Variants in POLE observed in about 807,000 individuals in gnomAD.
POLE encodes DNA polymerase epsilon catalytic subunit A.
In POLE, 188 loss-of-function variants were observed where a neutral mutation model predicts 279.2. The observed-to-expected ratio is 0.67, with a 90% CI of 0.60 to 0.76. POLE has a LOEUF of 0.76. POLE is among the 30% of genes least tolerant of loss of function. The pLI is 0.00. For missense variants in POLE, 2,703 were observed against 3,016.7 expected (o/e 0.90, Z 2.44); for synonymous variants, 1,214 against 1,172.5 (o/e 1.04, Z -0.72).
intron 16 of POLE, among the ~76,000 whole-genome samples, chr12:132,671,678 G>GAAAAA (rs59237637): frequency 1.2e-4 from 9 of 72,546 alleles, no homozygotes; most frequent in African/African-American, 4.5e-4. Flanking sequence ...CTCAAAAAGG[G>GAAAAA]AAAAAAAAAA....
chr12:132,666,378 A>G (rs1297491000), intron 20 of POLE, among the ~76,000 whole-genome samples: 9 of 152,362 alleles, frequency 5.9e-5, no homozygotes. Flanking sequence ...ACCTGAGTTC[A>G]GGACTTTGAG....
Position 132,635,990 on chromosome 12 carries a change from T to A in POLE, c.5713A>T (p.Ile1905Phe), listed in dbSNP as rs1300166843. Residue 1905 changes from isoleucine (I) to phenylalanine (F), a missense_variant, in exon 42 of 49, where the codon ATT (isoleucine) becomes TTT (phenylalanine). Transcript: ENST00000320574. The stretch of plus-strand genomic sequence containing the variant: ...AATTCCCAGCATCGAGAGAAAGAAA[T>A]TGTCAGAGAATGGAAGGTCTCCTTT... ...HSKETFHSLT[I>F]SFSRCWEFLL... The A allele has an allele frequency of 6.2e-7, 1 of 1,613,860 alleles. No homozygotes were observed. The highest frequency in any genetic ancestry group is 1.1e-5 in the South Asian group (1 of 91,050).
In POLE at chr12:132,673,756, C is replaced by T. The variant is rs373243003; in HGVS notation, c.1227-49G>A. The T allele has an allele frequency of 7.5e-5, 121 of 1,606,004 alleles. No individual in the cohort carries two copies. Among genetic ancestry groups the T allele is most frequent in the African/African-American group, 9.3e-5 (7 of 74,992 alleles). ...GCCAGGATGATTCTAACATGCAGCC[C>T]GGGAACCCCTGAGAACTGGCAAAAC... On this transcript the variant is annotated intron_variant, in intron 12 of 48. Coordinates refer to ENST00000320574, the MANE Select transcript of POLE (RefSeq NM_006231.4).
intron 12 of POLE, 128 bp from the exon 13 acceptor site, chr12:132,673,835 C>T (rs2042985695): frequency 9.9e-7 from 1 of 1,011,472 alleles, no homozygotes; most frequent in Non-Finnish European, 1.5e-6. Flanking sequence ...GAGCCTCACA[C>T]CAAGGCCCCA....
rs1025389911 is a variant in POLE, at chr12:132,664,693, C to A, written c.2469-231G>T. ...ATCTGGAAGGGTGCAGTATGTGCCACTGCGTCCAGCCGTTCAGGACTCCAG... is the reference window on the plus strand; with the variant it reads ...ATCTGGAAGGGTGCAGTATGTGCCAATGCGTCCAGCCGTTCAGGACTCCAG... On this transcript the variant is annotated intron_variant, in intron 21 of 48. Transcript: ENST00000320574. This position sits in a 1 kb window ranked among gnomAD's most constrained non-coding sequence, Gnocchi z 5.3. 3.9e-5 allele frequency among the ~76,000 whole-genome samples: 6 copies of A among 152,220 alleles called. No homozygotes were observed. Among genetic ancestry groups the A allele is most frequent in the Non-Finnish European group, 7.3e-5 (5 of 68,042 alleles).
chr12:132,675,320 G>C lies in POLE; in HGVS notation c.1226+78C>G. On this transcript the variant is annotated intron_variant, in intron 12 of 48. Transcript: ENST00000320574. The surrounding 1 kb of genome is among the most constrained non-coding windows in gnomAD (Gnocchi z 4.3). ...CCACCCTCCTCCCATGAGATGTGGT[G>C]ACAGCACAGTCTGCAAGAGGCCTTC... 1 of 1,551,930 alleles carries C rather than the reference G, an allele frequency of 6.4e-7. No homozygotes were observed. The highest frequency in any genetic ancestry group is 8.7e-7 in the Non-Finnish European group (1 of 1,145,194).
chr12:132,681,798 T>C (rs2043173071), intron 1 of POLE, among the ~76,000 whole-genome samples: 1 of 152,234 alleles, frequency 6.6e-6, no homozygotes. Flanking sequence ...GGCTAGACAC[T>C]GTTGCCTCTT....
chr12:132,676,922 C>T (rs1250188039), intron 8 of POLE, among the ~76,000 whole-genome samples: 1 of 152,204 alleles, frequency 6.6e-6, no homozygotes, highest in South Asian at 2.1e-4. Flanking sequence ...CAAAAGACAT[C>T]ACCTCATTCT....
intron 4 of POLE, 55 bp downstream of exon 4, chr12:132,680,123 C>T (rs869312623): frequency 6.3e-7 from 1 of 1,595,986 alleles, no homozygotes; most frequent in Non-Finnish European, 8.6e-7. Context: ...AGTTGCAAAG[C>T]CCACCACAGA....
At chr12:132,682,160 G>T (rs979918488) in intron 1 of POLE, among the ~76,000 whole-genome samples, 1 of 152,116 alleles carries the variant, frequency 6.6e-6, no homozygotes, top group Non-Finnish European at 1.5e-5. Context: ...CAGGCGTGGT[G>T]GTGGGTGCCT....
chr12:132,667,818 A>G (rs1425030374), intron 19 of POLE, among the ~76,000 whole-genome samples, 170 bp from the exon 20 acceptor site: 1 of 152,186 alleles, frequency 6.6e-6, no homozygotes, highest in African/African-American at 2.4e-5. Context: ...ACGGTGGCTC[A>G]CACCTGTAAT....
At position 132,679,631 on chromosome 12, in the gene POLE, C is replaced by G. The variant is rs1060500797; in HGVS notation, c.444G>C (p.Leu148Phe). 20 of 1,611,172 alleles carry G rather than the reference C, an allele frequency of 1.2e-5. No homozygotes were observed. Among genetic ancestry groups the G allele is most frequent in the Non-Finnish European group, 1.7e-5 (20 of 1,177,596 alleles). Reference protein sequence around the residue: ...DLDLPNHLVGLKRNYIRLSFH... With the variant: ...DLDLPNHLVGFKRNYIRLSFH... ...AGGACAGCCTGATGTAATTTCGCTTCAAACCCACCAAGTGATTTGGCTATA... is the reference window on the plus strand; with the variant it reads ...AGGACAGCCTGATGTAATTTCGCTTGAAACCCACCAAGTGATTTGGCTATA... Residue 148 changes from leucine to phenylalanine, a missense_variant, in exon 6 of 49, where the codon TTG (leucine) becomes TTC (phenylalanine). Around this residue, in one of 5 missense-constraint regions of POLE, gnomAD observed 1,011 missense variants for 1,111.7 expected, o/e 0.91. Coordinates refer to ENST00000320574, the MANE Select transcript of POLE (RefSeq NM_006231.4).
intron 37 of POLE, 25 bp downstream of exon 37, chr12:132,642,481 C>A (rs1395603848): frequency 1.9e-6 from 3 of 1,604,554 alleles, no homozygotes; most frequent in Middle Eastern, 1.6e-4. Flanking sequence ...GGACCACTGG[C>A]CCACAACGAC....
rs757438555 is a variant in POLE, at chr12:132,676,650, G to A, written c.805C>T (p.Pro269Ser). 6.2e-7 allele frequency: 1 copy of A among 1,604,564 alleles called. No homozygotes were observed. Among genetic ancestry groups the A allele is most frequent in the Non-Finnish European group, 8.5e-7 (1 of 1,171,492 alleles). ...TCAATGTCAAATGCCAAAACCACAGGGTCCTGTGGGGACAAAATAAGCATA... is the reference window on the plus strand; with the variant it reads ...TCAATGTCAAATGCCAAAACCACAGAGTCCTGTGGGGACAAAATAAGCATA... The part of the protein sequence containing the change: ...RRDDLVERPD[P>S]VVLAFDIETT... The change falls in exon 9 of 49, where the codon CCT becomes TCT. Residue 269 changes from proline (P) to serine (S), a missense_variant. Transcript: ENST00000320574.
intron 1 of POLE, among the ~76,000 whole-genome samples, chr12:132,685,358 A>T (rs2043236752): frequency 6.6e-6 from 1 of 152,070 alleles, no homozygotes; most frequent in Admixed American, 6.6e-5. Flanking sequence ...TGGTTACTGT[A>T]TCACACCGTC....
At chr12:132,649,163 C>T (rs2138602417) in intron 31 of POLE, 91 bp from the exon 32 acceptor site, 1 of 1,534,862 alleles carries the variant, frequency 6.5e-7, no homozygotes, top group Non-Finnish European at 8.9e-7. Context: ...GCTCCCAGCA[C>T]AGGGCCTTAG....
intron 47 of POLE, 148 bp downstream of exon 47, chr12:132,625,497 G>A: frequency 1.0e-6 from 1 of 993,074 alleles, no homozygotes; most frequent in Non-Finnish European, 1.6e-6. Flanking sequence ...AGTCCATCAG[G>A]CTCAGGGCAT....
At chr12:132,671,123 C>G (rs2042918407) in intron 16 of POLE, among the ~76,000 whole-genome samples, 1 of 151,780 alleles carries the variant, frequency 6.6e-6, no homozygotes, top group Non-Finnish European at 1.5e-5. Flanking sequence ...ATTGGCCAGG[C>G]ATGGTGGTGG....
intron 1 of POLE, among the ~76,000 whole-genome samples, chr12:132,682,168 C>T (rs1469046180): frequency 6.6e-6 from 1 of 152,046 alleles, no homozygotes; most frequent in Non-Finnish European, 1.5e-5. Context: ...GTGGTGGGTG[C>T]CTATAGTCCC....
Sources: gnomAD v4.1 joint callset for allele counts (sites outside exome capture counted in the v4.1 genomes callset) on GRCh38, gnomAD v4.1.1 for gene constraint, gnomAD v4.1.1 regional missense constraint, Gnocchi (gnomAD v3.1) non-coding constraint, MANE v1.5 for transcripts, NCBI Gene and HGNC (gene_info 2026-07-23, HGNC 2026-07-21) for gene names.